The following PLEKHG1 variants were observed in gnomAD, a reference collection of about 807,000 sequenced individuals.
PLEKHG1 encodes the protein pleckstrin homology and RhoGEF domain containing G1, also known as pleckstrin homology domain-containing family G member 1.
Under a neutral mutation model 100.8 loss-of-function variants are expected in PLEKHG1, and 44 were observed. The observed-to-expected ratio is 0.44, with a 90% CI of 0.34 to 0.56. PLEKHG1 has a LOEUF of 0.56. Ranked by LOEUF, PLEKHG1 falls within the 20% of genes least tolerant of loss-of-function variation. PLEKHG1 has a pLI of 0.01. For synonymous variants in PLEKHG1, 640 were observed against 662.5 expected, an observed-to-expected ratio of 0.97 and a Z score of 0.52; for missense variants, 1,545 against 1,720.9, an observed-to-expected ratio of 0.90 and a Z score of 1.81.
In PLEKHG1 at chr6:150,840,138, ACCTCTGAC is replaced by A; in HGVS notation, c.3407_3414del (p.Asp1136AlafsTer36). On this transcript the variant is annotated frameshift_variant, in exon 16 of 16. Coordinates refer to ENST00000358517, the Ensembl canonical transcript of PLEKHG1. LOFTEE classifies it low-confidence loss of function (END_TRUNC). ...AGCTTGCTCTGTGCCTTCTCTTCAA[ACCTCTGAC>A]CCTCTGCCAGGCTCTGTGCAGAGAT... is the stretch of plus-strand genomic sequence containing the variant. 1 of 1,614,184 alleles carries A rather than the reference ACCTCTGAC, an allele frequency of 6.2e-7. No homozygotes were observed. The highest frequency in any genetic ancestry group is 1.1e-5 in the South Asian group (1 of 91,078).
chr6:150,681,783 A>C (rs1779943875), intron 3 of PLEKHG1, among the ~76,000 whole-genome samples: 1 of 152,084 alleles, frequency 6.6e-6, no homozygotes, highest in African/African-American at 2.4e-5. Flanking sequence ...GTGCAGGGAG[A>C]CCCTGAAACC....
chr6:150,687,377 A>T (rs1780177634), intron 3 of PLEKHG1, among the ~76,000 whole-genome samples: 2 of 152,118 alleles, frequency 1.3e-5, no homozygotes, highest in African/African-American at 4.8e-5. Context: ...GGAATGGGAG[A>T]TGTGGAGAGT....
intron 2 of PLEKHG1, among the ~76,000 whole-genome samples, chr6:150,739,460 G>GA (rs1293767506): frequency 6.6e-6 from 1 of 152,066 alleles, no homozygotes; most frequent in Non-Finnish European, 1.5e-5. Context: ...TTGAGGTCAG[G>GA]AGTTTGAGAC....
chr6:150,635,889 C>T (rs1777977859), intron 1 of PLEKHG1, among the ~76,000 whole-genome samples: 1 of 152,182 alleles, frequency 6.6e-6, no homozygotes, highest in Admixed American at 6.5e-5. Flanking sequence ...CACTGTACAA[C>T]ACTCATAATG....
chr6:150,732,438 G>C (rs549385959), intron 1 of PLEKHG1, among the ~76,000 whole-genome samples: 3 of 152,302 alleles, frequency 2.0e-5, no homozygotes, highest in East Asian at 1.9e-4. Context: ...AATGGGGTGT[G>C]AGTCTTAATA....
intron 1 of PLEKHG1, among the ~76,000 whole-genome samples, chr6:150,609,600 C>T (rs1776739390): frequency 6.6e-6 from 1 of 152,092 alleles, no homozygotes; most frequent in African/African-American, 2.4e-5. Flanking sequence ...AGACCTTTGC[C>T]ACAGCTTGGC....
chr6:150,636,833 A>G (rs1261189546), intron 1 of PLEKHG1, among the ~76,000 whole-genome samples: 1 of 152,188 alleles, frequency 6.6e-6, no homozygotes, highest in Non-Finnish European at 1.5e-5. Flanking sequence ...TTATTCCTCA[A>G]GTACAGTCAC....
intron 1 of PLEKHG1, among the ~76,000 whole-genome samples, chr6:150,609,872 G>A (rs1019126376): frequency 2.0e-5 from 3 of 152,186 alleles, no homozygotes; most frequent in African/African-American, 7.2e-5. Flanking sequence ...GGCTTGGACA[G>A]CATAGCTACT....
chr6:150,788,057 G>A (rs1172026364), intron 4 of PLEKHG1, among the ~76,000 whole-genome samples: 1 of 152,236 alleles, frequency 6.6e-6, no homozygotes, highest in African/African-American at 2.4e-5. Context: ...ACTGGTAACT[G>A]TAATCACAAG....
At chr6:150,602,579 CCTTT>C (rs1167780054) in intron 1 of PLEKHG1, among the ~76,000 whole-genome samples, 5 of 152,318 alleles carry the variant, frequency 3.3e-5, no homozygotes, top group Non-Finnish European at 5.9e-5. Flanking sequence ...CACCTTTCCT[CCTTT>C]CTTCTCCGCC....
At chr6:150,820,593 G>A (rs778424362) in intron 12 of PLEKHG1, among the ~76,000 whole-genome samples, 10 of 152,156 alleles carry the variant, frequency 6.6e-5, no homozygotes. Context: ...GGCCGGGCGC[G>A]GTGGCTCACA....
chr6:150,715,707 A>C (rs1781402586), intron 3 of PLEKHG1, among the ~76,000 whole-genome samples: 1 of 147,142 alleles, frequency 6.8e-6, no homozygotes, highest in African/African-American at 2.5e-5. Flanking sequence ...CTGGTCTCGA[A>C]CTCCTGACCT....
At chr6:150,672,021 G>C (rs1779603172) in intron 3 of PLEKHG1, among the ~76,000 whole-genome samples, 2 of 152,162 alleles carry the variant, frequency 1.3e-5, no homozygotes, top group South Asian at 2.1e-4. Context: ...CAGAAAGTGG[G>C]GTGGTAAAGA....
At chr6:150,758,214 T>C (rs1020645159) in intron 2 of PLEKHG1, among the ~76,000 whole-genome samples, 5 of 152,194 alleles carry the variant, frequency 3.3e-5, no homozygotes, top group Admixed American at 3.3e-4. Context: ...GATTGCTGGG[T>C]CAAATGCTAT....
intron 15 of PLEKHG1, among the ~76,000 whole-genome samples, chr6:150,836,265 C>A (rs1777215976): frequency 6.6e-6 from 1 of 152,136 alleles, no homozygotes; most frequent in Non-Finnish European, 1.5e-5. Context: ...GTAATCCCAG[C>A]TACTCTGGAG....
chr6:150,651,380 C>T (rs898873354), intron 3 of PLEKHG1, among the ~76,000 whole-genome samples: 5 of 151,960 alleles, frequency 3.3e-5, no homozygotes, highest in South Asian at 2.1e-4. Flanking sequence ...ATAACAGGCA[C>T]GCACCACCAT....
intron 4 of PLEKHG1, among the ~76,000 whole-genome samples, chr6:150,788,828 C>A (rs1341371530): frequency 6.6e-6 from 1 of 152,160 alleles, no homozygotes; most frequent in East Asian, 1.9e-4. Flanking sequence ...TTGGTGCCTT[C>A]TTCCTTTTAG....
At chr6:150,754,926 T>C (rs1783742924) in intron 2 of PLEKHG1, among the ~76,000 whole-genome samples, 1 of 152,092 alleles carries the variant, frequency 6.6e-6, no homozygotes, top group African/African-American at 2.4e-5. Flanking sequence ...TGCCTTGGCC[T>C]CCCAAAGTGC....
At chr6:150,673,069 A>G (rs1582921687) in intron 3 of PLEKHG1, among the ~76,000 whole-genome samples, 1 of 152,364 alleles carries the variant, frequency 6.6e-6, no homozygotes, top group East Asian at 1.9e-4. Flanking sequence ...TCGGCCGGAA[A>G]GCAAGACTAT....
Sources: gnomAD v4.1 joint callset for allele counts (sites outside exome capture counted in the v4.1 genomes callset) on GRCh38, gnomAD v4.1.1 for gene constraint, MANE v1.5 for transcripts, NCBI Gene and HGNC (gene_info 2026-07-23, HGNC 2026-07-21) for gene names.